The following DCC variants were observed in gnomAD, a reference collection of about 807,000 sequenced individuals.
DCC encodes the protein DCC netrin 1 receptor.
Under a neutral mutation model 172.5 loss-of-function variants are expected in DCC, and 58 were observed. The ratio of observed to expected loss-of-function variants is 0.34; its 90% confidence interval spans 0.27 to 0.42. DCC has a LOEUF of 0.42. DCC is among the 10% of genes least tolerant of loss of function. The pLI is 1.00. For missense variants in DCC, 1,740 were observed against 1,791.0 expected, an observed-to-expected ratio of 0.97 and a Z score of 0.51; for synonymous variants, 709 against 644.5, an observed-to-expected ratio of 1.10 and a Z score of -1.52.
intron 14 of DCC, among the ~76,000 whole-genome samples, chr18:53,333,657 T>C (rs1436979421): frequency 6.6e-6 from 1 of 152,178 alleles, no homozygotes; most frequent in African/African-American, 2.4e-5. Flanking sequence ...AGAGAGATCA[T>C]TTATGGCCTT....
At chr18:52,957,914 G>T (rs2040772676) in intron 5 of DCC, among the ~76,000 whole-genome samples, 1 of 152,186 alleles carries the variant, frequency 6.6e-6, no homozygotes. Flanking sequence ...AATATGTTCA[G>T]ATGAGCATTT....
At chr18:52,725,134 G>A (rs1452850303) in intron 1 of DCC, among the ~76,000 whole-genome samples, 1 of 152,188 alleles carries the variant, frequency 6.6e-6, no homozygotes, top group Non-Finnish European at 1.5e-5. Flanking sequence ...CCTGCCCACA[G>A]AGGGCCACAC....
chr18:53,177,640 G>C (rs1335743853), intron 8 of DCC, among the ~76,000 whole-genome samples: 3 of 152,096 alleles, frequency 2.0e-5, no homozygotes, highest in African/African-American at 7.2e-5. Context: ...CCTACCTCAA[G>C]ACAACAGGTG....
intron 8 of DCC, among the ~76,000 whole-genome samples, chr18:53,166,763 A>G (rs1021700105): frequency 2.6e-5 from 4 of 152,200 alleles, no homozygotes; most frequent in African/African-American, 7.2e-5. Context: ...ACCTCTAACC[A>G]AGAGAGGTAA....
chr18:52,989,293 C>T (rs180914476), intron 5 of DCC, among the ~76,000 whole-genome samples: 203 of 152,138 alleles, frequency 1.3e-3, no homozygotes, highest in African/African-American at 4.6e-3. Context: ...GAGGCCCAGG[C>T]GGGTGGTTCA....
intron 1 of DCC, among the ~76,000 whole-genome samples, chr18:52,687,377 C>A (rs2035857138): frequency 2.0e-5 from 3 of 150,748 alleles, no homozygotes; most frequent in African/African-American, 7.3e-5. Context: ...CTCCACTTCC[C>A]AGGTTCAAGC....
intron 12 of DCC, among the ~76,000 whole-genome samples, chr18:53,281,535 A>G (rs1026082394): frequency 6.6e-6 from 1 of 152,174 alleles, no homozygotes; most frequent in Non-Finnish European, 1.5e-5. Context: ...GGTACTGTTC[A>G]ATCTAAACCT....
At chr18:53,453,210 C>A (rs35882434) in intron 23 of DCC, among the ~76,000 whole-genome samples, 8 of 151,892 alleles carry the variant, frequency 5.3e-5, no homozygotes, top group Admixed American at 2.0e-4. Flanking sequence ...CCACCGCGCC[C>A]GGCCCCTTAT....
intron 2 of DCC, among the ~76,000 whole-genome samples, chr18:52,834,534 C>T (rs185837843): frequency 2.9e-4 from 44 of 150,932 alleles, no homozygotes; most frequent in African/African-American, 1.0e-3. Flanking sequence ...CTAAGGATTG[C>T]ATGGTGAGCT....
At chr18:53,527,017 G>A (rs1195550534) in intron 28 of DCC, 4 of 485,392 alleles carry the variant, frequency 8.2e-6, no homozygotes, top group Non-Finnish European at 1.5e-5. Context: ...TGACCAGATA[G>A]CTACAGAACG....
chr18:52,411,572 G>A (rs1242096621), intron 1 of DCC, among the ~76,000 whole-genome samples: 1 of 152,132 alleles, frequency 6.6e-6, no homozygotes, highest in Non-Finnish European at 1.5e-5. Flanking sequence ...CTTCTGGCCT[G>A]TGGCTACCTA....
At chr18:53,408,289 T>G (rs537537648) in intron 19 of DCC, among the ~76,000 whole-genome samples, 1 of 152,324 alleles carries the variant, frequency 6.6e-6, no homozygotes, top group Non-Finnish European at 1.5e-5. Flanking sequence ...GAGCACAGTT[T>G]AGCTTTGGGG....
chr18:52,445,097 A>G (rs1234620266), intron 1 of DCC, among the ~76,000 whole-genome samples: 2 of 152,156 alleles, frequency 1.3e-5, no homozygotes, highest in Non-Finnish European at 2.9e-5. Context: ...CATCCATAAT[A>G]AGGGCATTAT....
chr18:52,669,527 T>C (rs1254557901), intron 1 of DCC, among the ~76,000 whole-genome samples: 1 of 152,192 alleles, frequency 6.6e-6, no homozygotes, highest in Non-Finnish European at 1.5e-5. Flanking sequence ...CAAGATGGAA[T>C]TGGTTAGATT....
intron 26 of DCC, among the ~76,000 whole-genome samples, chr18:53,488,341 A>G (rs547607992): frequency 3.9e-5 from 6 of 152,114 alleles, no homozygotes; most frequent in Non-Finnish European, 8.8e-5. Flanking sequence ...TGACACTGCA[A>G]TCCAGCCTGG....
chr18:53,489,477 C>T (rs1473595584), intron 26 of DCC, among the ~76,000 whole-genome samples: 1 of 152,170 alleles, frequency 6.6e-6, no homozygotes, highest in Non-Finnish European at 1.5e-5. Flanking sequence ...GAACACTAAA[C>T]AAACATTCCT....
chr18:53,087,506 T>A (rs565806961), intron 7 of DCC, among the ~76,000 whole-genome samples: 1 of 152,074 alleles, frequency 6.6e-6, no homozygotes, highest in South Asian at 2.1e-4. Context: ...ATATTAGCCC[T>A]TTGTCAGATG....
chr18:52,627,403 A>G (rs909777728), intron 1 of DCC, among the ~76,000 whole-genome samples: 4 of 152,204 alleles, frequency 2.6e-5, no homozygotes, highest in Non-Finnish European at 4.4e-5. Context: ...GTGGAGATTC[A>G]CAAGACATCA....
At chr18:52,779,052 CAATTT>C (rs1187435977) in intron 2 of DCC, among the ~76,000 whole-genome samples, 2 of 151,544 alleles carry the variant, frequency 1.3e-5, no homozygotes, top group East Asian at 3.9e-4. Context: ...AATCAAATGT[CAATTT>C]AATTGTTGTG....
Sources: gnomAD v4.1 joint callset for allele counts (sites outside exome capture counted in the v4.1 genomes callset) on GRCh38, gnomAD v4.1.1 for gene constraint, MANE v1.5 for transcripts, NCBI Gene and HGNC (gene_info 2026-07-23, HGNC 2026-07-21) for gene names.